SHOX2: variants seen among roughly 807,000 people sequenced by gnomAD.
SHOX2 encodes the protein SHOX homeobox 2.
In SHOX2, 13 loss-of-function variants were observed where a neutral mutation model predicts 31.3. The observed-to-expected ratio is 0.42, with a 90% CI of 0.27 to 0.66. The LOEUF is 0.66. Ranked by LOEUF, SHOX2 falls within the 30% of genes least tolerant of loss-of-function variation. SHOX2 has a pLI of 0.27. For synonymous variants in SHOX2, 244 were observed against 196.2 expected (o/e 1.24, Z -2.04); for missense variants, 473 against 443.0 (o/e 1.07, Z -0.61).
intron 2 of SHOX2, among the ~76,000 whole-genome samples, chr3:158,101,591 T>A (rs5009355): frequency 0.89 from 134,915 of 151,348 alleles, 60,176 homozygotes; most frequent in East Asian, 0.99. Context: ...ACTGCTCTGT[T>A]TTTTTTTTTC....
At position 158,098,189 on chromosome 3, in the gene SHOX2, T is replaced by C. The variant is rs1340801091; in HGVS notation, c.798A>G (p.Pro266=). 1 of 1,613,836 alleles carries C rather than the reference T, an allele frequency of 6.2e-7. No individual in the cohort carries two copies. The highest frequency in any genetic ancestry group is 8.5e-7 in the Non-Finnish European group (1 of 1,179,876). Residue 266 remains proline (P), a synonymous_variant, in exon 5 of 5, where the codon CCA becomes CCG. Coordinates refer to ENST00000483851, the MANE Select transcript of SHOX2 (RefSeq NM_001163678.2). The stretch of plus-strand genomic sequence containing the variant: ...CGAGCGGCAGTCCGAAGGGCGGTGC[T>C]GGGAACATCATGTAGGGCGCGTGCG... ...LAAHAPYMMF[P]APPFGLPLAT...
Position 158,097,509 on chromosome 3 carries a change from A to C in SHOX2, c.*518T>G, listed in dbSNP as rs1713191547. ...GTTTTTCCATATTTTTAAATGTATA[A>C]AATACTTTAATTTTAAAATTTGTTT... On this transcript the variant is annotated 3_prime_UTR_variant, in exon 5 of 5. Transcript: ENST00000483851. The C allele has an allele frequency of 6.6e-6, 1 of 152,538 alleles. No homozygotes were observed. Among genetic ancestry groups the C allele is most frequent in the African/African-American group, 2.4e-5 (1 of 41,444 alleles). 9.4% of individuals were successfully genotyped at this position (152,538 alleles called of 1,614,324 possible).
intron 2 of SHOX2, among the ~76,000 whole-genome samples, chr3:158,101,628 GC>G (rs1713499608): frequency 1.3e-5 from 2 of 152,100 alleles, no homozygotes; most frequent in East Asian, 3.9e-4. Flanking sequence ...ATGTGGGGAA[GC>G]CCCTTAAGAA....
intron 1 of SHOX2, chr3:158,105,033 C>CG: frequency 9.1e-5 from 1 of 10,930 alleles, no homozygotes; most frequent in Non-Finnish European, 2.0e-4. Flanking sequence ...TCCCCCGCCG[C>CG]CCCCCCCCCC....
rs1713174789 is a variant in SHOX2 at position 158,097,235 on chromosome 3, G to A, written c.*792C>T. 6.6e-6 allele frequency: 1 copy of A among 152,052 alleles called. No homozygotes were observed. The highest frequency in any genetic ancestry group is 1.9e-4 in the East Asian group (1 of 5,160). The allele number at this position is 152,052 out of a possible 1,614,324, so 9.4% of individuals were successfully genotyped here. ...TTTCTTGCTCTTCCATACATGGTGGGTTTAAACTCAAAGCATCTGATTCAA... is the reference window on the plus strand; with the variant it reads ...TTTCTTGCTCTTCCATACATGGTGGATTTAAACTCAAAGCATCTGATTCAA... On this transcript the variant is annotated 3_prime_UTR_variant, in exon 5 of 5. Coordinates refer to ENST00000483851, the MANE Select transcript of SHOX2 (RefSeq NM_001163678.2).
In SHOX2 at chr3:158,097,946, G is replaced by GT. The variant is rs1464762179; in HGVS notation, c.*80dup. On this transcript the variant is annotated 3_prime_UTR_variant, in exon 5 of 5. Coordinates refer to ENST00000483851, the MANE Select transcript of SHOX2 (RefSeq NM_001163678.2). ...GGCCGGCTCCCGAGGTCTCAAAGGG[G>GT]TAACGGAGAAGCAGCGGGGCGCGGA... 1 of 1,514,810 alleles carries GT rather than the reference G, an allele frequency of 6.6e-7. No individual in the cohort carries two copies. Among genetic ancestry groups the GT allele is most frequent in the Non-Finnish European group, 8.9e-7 (1 of 1,128,270 alleles). The allele number at this position is 1,514,810 out of a possible 1,614,324, so 93.8% of individuals were successfully genotyped here. A position where few individuals can be genotyped will look rare whatever the true frequency, so the allele number is the denominator to read the frequency against.
intron 1 of SHOX2, chr3:158,105,318 C>T (rs1043271081): frequency 3.4e-6 from 2 of 594,704 alleles, no homozygotes; most frequent in African/African-American, 3.7e-5. Context: ...GGTTCAGCAC[C>T]CCCTCCTGCA....
chr3:158,105,187 G>A, intron 1 of SHOX2: 1 of 1,079,208 alleles, frequency 9.3e-7, no homozygotes, highest in South Asian at 1.3e-5. Context: ...GGGCTCTGCG[G>A]AGTTCGAGGG....
chr3:158,105,037 C>T, intron 1 of SHOX2: 4 of 416,048 alleles, frequency 9.6e-6, no homozygotes, highest in East Asian at 6.8e-5. Context: ...CCGCCGCCCC[C>T]CCCCCCCGCC....
In SHOX2 at chr3:158,105,892, C is replaced by T. The variant is rs758477444; in HGVS notation, c.133G>A (p.Glu45Lys). Residue 45 changes from glutamate to lysine, a missense_variant, in exon 1 of 5, where the codon GAG (glutamate) becomes AAG (lysine). By Grantham distance (56) the Glu-to-Lys change is moderately conservative (BLOSUM62 1). This residue lies in a region of SHOX2 where 276 missense variants were observed against 230.0 expected (regional missense o/e 1.20). Coordinates refer to ENST00000483851, the MANE Select transcript of SHOX2 (RefSeq NM_001163678.2). ...CTGCTGCGGTCGTCGCGGCCCGCCT[C>T]GGTGCAGCCGGTCGGCTCCTTGGCC... ...RGAKEPTGCTEAGRDDRSSPA... is the reference protein window; with the variant it reads ...RGAKEPTGCTKAGRDDRSSPA... 1.9e-6 allele frequency: 3 copies of T among 1,563,602 alleles called. No individual in the cohort carries two copies. Among genetic ancestry groups the T allele is most frequent in the South Asian group, 1.2e-5 (1 of 86,668 alleles).
chr3:158,098,303 C>G lies in SHOX2; in HGVS notation c.703-19G>C. On this transcript the variant is annotated intron_variant, in intron 4 of 4. Coordinates refer to ENST00000483851, the MANE Select transcript of SHOX2 (RefSeq NM_001163678.2). Reference sequence around the variant, plus strand: ...CCTGAACCTGAAAGGACAAGGGCGTCACGTTGCAATGACTATCCTAGGGTG... The same window carrying G: ...CCTGAACCTGAAAGGACAAGGGCGTGACGTTGCAATGACTATCCTAGGGTG... 1 of 1,611,412 alleles carries G rather than the reference C, an allele frequency of 6.2e-7. No homozygotes were observed. Among genetic ancestry groups the G allele is most frequent in the Non-Finnish European group, 8.5e-7 (1 of 1,178,468 alleles).
intron 2 of SHOX2, among the ~76,000 whole-genome samples, chr3:158,102,301 C>G (rs1042598315): frequency 6.6e-6 from 1 of 152,138 alleles, no homozygotes; most frequent in African/African-American, 2.4e-5. Flanking sequence ...CTCTTTGGAA[C>G]TTTTAAGGCA....
rs747027161 is a variant in SHOX2 at position 158,098,270 on chromosome 3, C to T, written c.717G>A (p.Leu239=). 1.9e-6 allele frequency: 3 copies of T among 1,613,732 alleles called. No homozygotes were observed. In the South Asian group the frequency reaches 3.3e-5, roughly 18 times the overall value. ...CGTGCGCCACAGCGCTGTCCAGCTG[C>T]AGCTGCGCCTGAACCTGAAAGGACA... is the stretch of plus-strand genomic sequence containing the variant. ...RMPFQQVQAQ[L]QLDSAVAHAH... The change falls in exon 5 of 5, where the codon CTG becomes CTA. Residue 239 remains leucine, a synonymous_variant. Transcript: ENST00000483851.
At chr3:158,103,428 T>C (rs1281982292) in intron 1 of SHOX2, 1 of 178,484 alleles carries the variant, frequency 5.6e-6, no homozygotes, top group Non-Finnish European at 1.2e-5. Flanking sequence ...CTGGTCTAAT[T>C]TAGGAACAAT....
Position 158,102,995 on chromosome 3 carries a change from C to G in SHOX2, c.347-109G>C. 3 of 1,057,868 alleles carry G rather than the reference C, an allele frequency of 2.8e-6. No individual in the cohort carries two copies. The South Asian group carries it at 4.0e-5, about 14-fold the overall frequency. 65.5% of individuals were successfully genotyped at this position (1,057,868 alleles called of 1,614,324 possible). On this transcript the variant is annotated intron_variant, in intron 1 of 4. Coordinates refer to ENST00000483851, the MANE Select transcript of SHOX2 (RefSeq NM_001163678.2). Reference sequence around the variant, plus strand: ...CAGCAAATCCTGTTACCAGATTTGTCGCAAAAAAGAATAGAGAATCCTTCC... The same window carrying G: ...CAGCAAATCCTGTTACCAGATTTGTGGCAAAAAAGAATAGAGAATCCTTCC...
At chr3:158,105,029 GCCGCC>G in intron 1 of SHOX2, 1 of 225,990 alleles carries the variant, frequency 4.4e-6, no homozygotes, top group East Asian at 1.2e-4. Flanking sequence ...CACCTCCCCC[GCCGCC>G]CCCCCCCCCC....
Position 158,096,948 on chromosome 3 carries a change from A to G in SHOX2, c.*1079T>C, listed in dbSNP as rs1302437590. 8.7e-6 allele frequency: 1 copy of G among 115,118 alleles called. No individual in the cohort carries two copies. Among genetic ancestry groups the G allele is most frequent in the Non-Finnish European group, 1.8e-5 (1 of 55,268 alleles). The allele number at this position is 115,118 out of a possible 1,614,324, so 7.1% of individuals were successfully genotyped here. ...TATATATATGGCAAATATATGATAT[A>G]TATATATGGATATATATATATCAAT... is the stretch of plus-strand genomic sequence containing the variant. On this transcript the variant is annotated 3_prime_UTR_variant, in exon 5 of 5. Transcript: ENST00000483851.
Position 158,098,119 on chromosome 3 carries a change from C to G in SHOX2, c.868G>C (p.Ala290Pro), listed in dbSNP as rs773586416. The change falls in exon 5 of 5, where the codon GCC becomes CCC. Residue 290 changes from alanine to proline, a missense_variant. Coordinates refer to ENST00000483851, the MANE Select transcript of SHOX2 (RefSeq NM_001163678.2). The part of the protein sequence containing the change: ...DSASAASVVA[A>P]AAAAKTTSKN... ...CTGGTGGTCTTGGCGGCTGCTGCGG[C>G]CGCCACTACCGAGGCGGCGGAAGCC... The G allele has an allele frequency of 1.9e-6, 3 of 1,613,002 alleles. No homozygotes were observed. The highest frequency in any genetic ancestry group is 2.5e-6 in the Non-Finnish European group (3 of 1,179,470).
At chr3:158,099,752 T>C in intron 4 of SHOX2, 108 bp downstream of exon 4, 1 of 810,014 alleles carries the variant, frequency 1.2e-6, no homozygotes, top group Non-Finnish European at 2.0e-6. Context: ...ATTCTCCAAC[T>C]ATGCAGACAT....
Sources: gnomAD v4.1 joint callset for allele counts (sites outside exome capture counted in the v4.1 genomes callset) on GRCh38, gnomAD v4.1.1 for gene constraint, gnomAD v4.1.1 regional missense constraint, MANE v1.5 for transcripts, NCBI Gene and HGNC (gene_info 2026-07-23, HGNC 2026-07-21) for gene names.